Variants in LRRC37A observed in about 807,000 individuals in gnomAD.
LRRC37A encodes leucine-rich repeat-containing protein 37A.
LRRC37A carries 3 observed loss-of-function variants against 35.4 expected under a neutral mutation model. The ratio of observed to expected loss-of-function variants is 0.08; its 90% CI spans 0.04 to 0.22. The LOEUF (loss-of-function observed/expected upper bound fraction) is 0.22, where lower values mean the gene tolerates loss of function less well. Ranked by LOEUF, LRRC37A falls within the 10% of genes least tolerant of loss-of-function variation. The pLI is 1.00. For synonymous variants in LRRC37A, 23 were observed against 215.0 expected, an observed-to-expected ratio of 0.11 and a Z score of 7.81; for missense variants, 67 against 565.3, an observed-to-expected ratio of 0.12 and a Z score of 8.94.
At chr17:46,266,847 G>A in the LRRC37A span, among the ~76,000 whole-genome samples, 1 of 150,998 alleles carries the variant, frequency 6.6e-6, no homozygotes, top group Non-Finnish European at 1.5e-5. Context: ...GCCGAGAACC[G>A]CGCGTCGCCG....
chr17:46,286,374 C>A, the LRRC37A span, among the ~76,000 whole-genome samples: 35,609 of 149,474 alleles, frequency 0.24, 5,420 homozygotes, highest in South Asian at 0.52. Context: ...AGTCACAAAT[C>A]TTTCAACTAG....
the LRRC37A span, among the ~76,000 whole-genome samples, chr17:46,262,787 G>GAAAAA: frequency 1.6e-5 from 2 of 124,696 alleles, no homozygotes. Flanking sequence ...CTCGGTCTTG[G>GAAAAA]AAAAAAAAAA....
the LRRC37A span, among the ~76,000 whole-genome samples, chr17:46,255,263 C>T: frequency 4.6e-5 from 7 of 152,236 alleles, no homozygotes; most frequent in Admixed American, 3.9e-4. Context: ...GCCACCTTGC[C>T]CAGCCGAAGC....
chr17:46,330,889 A>G lies in LRRC37A; in HGVS notation c.3612A>G (p.Lys1204=), dbSNP rs1598174847. The stretch of plus-strand genomic sequence containing the variant: ...CTGTGGAGAACGCTGCCGAAGAAAA[A>G]AGGCTCACGAGTCCAGCCCCAAGGG... Residue 1204 remains lysine, a synonymous_variant, in exon 9 of 14, where the codon AAA becomes AAG. Coordinates refer to ENST00000320254, the Ensembl canonical transcript of LRRC37A. 5 of 724,402 alleles carry G rather than the reference A, an allele frequency of 6.9e-6. No individual in the cohort carries two copies. The East Asian group carries it at 1.3e-4, about 19-fold the overall frequency. 44.9% of individuals were successfully genotyped at this position (724,402 alleles called of 1,614,324 possible).
chr17:46,256,822 G>T, the LRRC37A span, among the ~76,000 whole-genome samples: 1 of 152,084 alleles, frequency 6.6e-6, no homozygotes, highest in Non-Finnish European at 1.5e-5. Context: ...AGGTCTTATG[G>T]AATAAAGTAT....
the LRRC37A span, among the ~76,000 whole-genome samples, chr17:46,265,914 C>T: frequency 1.3e-5 from 2 of 152,224 alleles, no homozygotes; most frequent in African/African-American, 4.8e-5. Flanking sequence ...CTGGCCAACA[C>T]GGTGAAACCC....
chr17:46,334,920 TAC>T (rs1320814152), intron 10 of LRRC37A: 1 of 122,376 alleles, frequency 8.2e-6, no homozygotes, highest in African/African-American at 2.8e-5. Flanking sequence ...ACAATATGTA[TAC>T]ATTTTATTAG....
chr17:46,285,950 T>G, the LRRC37A span, among the ~76,000 whole-genome samples: 1 of 152,252 alleles, frequency 6.6e-6, no homozygotes, highest in Non-Finnish European at 1.5e-5. Flanking sequence ...TCTCTGTTAG[T>G]GGTGTGAGCA....
the LRRC37A span, among the ~76,000 whole-genome samples, chr17:46,287,189 C>A: frequency 6.6e-6 from 1 of 152,342 alleles, no homozygotes; most frequent in East Asian, 1.9e-4. Context: ...AACAAGTACA[C>A]TGCTTAGTGA....
the LRRC37A span, among the ~76,000 whole-genome samples, chr17:46,254,399 T>G: frequency 2.6e-5 from 3 of 116,036 alleles, no homozygotes; most frequent in African/African-American, 6.5e-5. Flanking sequence ...TTTATTGTAT[T>G]TATTTATTTA....
chr17:46,283,074 A>G, the LRRC37A span, among the ~76,000 whole-genome samples: 3 of 152,162 alleles, frequency 2.0e-5, no homozygotes, highest in Non-Finnish European at 4.4e-5. Flanking sequence ...AGGTGAGATC[A>G]CACCACTGCA....
the LRRC37A span, chr17:46,268,645 C>G: frequency 1.9e-6 from 3 of 1,546,828 alleles, no homozygotes; most frequent in African/African-American, 1.4e-5. Flanking sequence ...AGGTTTAACC[C>G]AAAAAGGGAA....
chr17:46,308,798 CA>C (rs970162535), intron 5 of LRRC37A, among the ~76,000 whole-genome samples: 2 of 75,562 alleles, frequency 2.6e-5, no homozygotes, highest in African/African-American at 6.8e-5. Flanking sequence ...AAAAAACAAA[CA>C]AAAAAAGAGG....
At chr17:46,261,041 G>C in the LRRC37A span, among the ~76,000 whole-genome samples, 1 of 152,160 alleles carries the variant, frequency 6.6e-6, no homozygotes, top group Admixed American at 6.5e-5. Context: ...TGACACAGTG[G>C]ACTTTGGGGA....
chr17:46,281,224 C>G, the LRRC37A span, among the ~76,000 whole-genome samples: 2 of 152,092 alleles, frequency 1.3e-5, no homozygotes, highest in African/African-American at 4.8e-5. Context: ...TGACCCCTTG[C>G]TCCCCCCACC....
the LRRC37A span, among the ~76,000 whole-genome samples, chr17:46,273,375 T>C: frequency 6.6e-6 from 1 of 152,236 alleles, no homozygotes; most frequent in Admixed American, 6.5e-5. Flanking sequence ...TTTGTAAACA[T>C]AGGTTTAAGT....
At chr17:46,261,506 C>T in the LRRC37A span, among the ~76,000 whole-genome samples, 41 of 152,032 alleles carry the variant, frequency 2.7e-4, no homozygotes, top group African/African-American at 7.5e-4. Context: ...CCACCTCCTG[C>T]GTTCAAGTGA....
At chr17:46,259,332 G>T in the LRRC37A span, among the ~76,000 whole-genome samples, 1 of 152,124 alleles carries the variant, frequency 6.6e-6, no homozygotes, top group East Asian at 1.9e-4. Flanking sequence ...ACCCTGGGCT[G>T]GGAGGGGGAG....
the LRRC37A span, among the ~76,000 whole-genome samples, chr17:46,275,621 C>T: frequency 1.3e-5 from 2 of 152,182 alleles, no homozygotes; most frequent in Non-Finnish European, 2.9e-5. Context: ...TAATAGCTCA[C>T]TGGAAAAAGC....
Sources: gnomAD v4.1 joint callset for allele counts (sites outside exome capture counted in the v4.1 genomes callset) on GRCh38, gnomAD v4.1.1 for gene constraint, MANE v1.5 for transcripts, NCBI Gene and HGNC (gene_info 2026-07-23, HGNC 2026-07-21) for gene names.